The following SF3B1 variants were observed in gnomAD, a reference collection of about 807,000 sequenced individuals.
The protein encoded by SF3B1 is pre-mRNA processing 10.
In SF3B1, 12 loss-of-function variants were observed where a neutral mutation model predicts 153.8. The ratio of observed to expected loss-of-function variants is 0.08; its 90% CI spans 0.05 to 0.13. The LOEUF is 0.13. Among genes scored for constraint, SF3B1 ranks in the 10% least tolerant of loss-of-function variants. The pLI is 1.00. For synonymous variants in SF3B1, 498 were observed against 525.2 expected (o/e 0.95, Z 0.71); for missense variants, 513 against 1,606.1 (o/e 0.32, Z 11.63).
Position 197,403,635 on chromosome 2 carries a change from C to A in SF3B1, c.1669G>T (p.Asp557Tyr), listed in dbSNP as rs2105988740. ...QERHLLVKVI[D>Y]RILYKLDDLV... is the part of the protein sequence containing the mutation. ...TCATCAAGTTTGTACAGTATCCTAT[C>A]AATAACTTTCACAAGTAAATGACGC... Residue 557 changes from aspartate (D) to tyrosine (Y), a missense_variant, in exon 12 of 25, where the codon GAT becomes TAT. Physicochemically the swap from Asp to Tyr is radical, Grantham distance 160. Transcript: ENST00000335508. 1 of 1,594,734 alleles carries A rather than the reference C, an allele frequency of 6.3e-7. No individual in the cohort carries two copies. The highest frequency in any genetic ancestry group is 1.2e-5 in the South Asian group (1 of 86,942).
In SF3B1 at chr2:197,408,019, A is replaced by G. The variant is rs148651944; in HGVS notation, c.1218T>C (p.Ala406=). The G allele has an allele frequency of 2.2e-5, 36 of 1,613,146 alleles. No homozygotes were observed. In the African/African-American group the frequency reaches 4.3e-4, roughly 19 times the overall value. The part of the protein sequence containing the change: ...NRPLSDEELD[A]MFPEGYKVLP... ...CTACCTTATATCCTTCTGGGAACAT[A>G]GCATCTAATTCCTCATCAGAAAGTG... is the stretch of plus-strand genomic sequence containing the variant. Residue 406 remains alanine (A), a synonymous_variant, in exon 9 of 25, where the codon GCT becomes GCC. Coordinates refer to ENST00000335508, the MANE Select transcript of SF3B1 (RefSeq NM_012433.4).
At chr2:197,424,936 G>C (rs565254393) in intron 1 of SF3B1, among the ~76,000 whole-genome samples, 98 of 152,220 alleles carry the variant, frequency 6.4e-4, no homozygotes, top group African/African-American at 2.3e-3. Flanking sequence ...AAGGCGGGCG[G>C]ATCACCTGAA....
At chr2:197,405,810 C>T (rs2084984631) in intron 9 of SF3B1, among the ~76,000 whole-genome samples, 3 of 151,756 alleles carry the variant, frequency 2.0e-5, no homozygotes, top group South Asian at 2.1e-4. Context: ...ATGCTGTAGT[C>T]GAGCAAATAA....
chr2:197,430,348 A>T (rs968244231), intron 1 of SF3B1, among the ~76,000 whole-genome samples: 1 of 152,234 alleles, frequency 6.6e-6, no homozygotes, highest in Non-Finnish European at 1.5e-5. Flanking sequence ...TAATGGGAAG[A>T]GTAGAAGTGA....
rs181464121 is a variant in SF3B1 at position 197,390,338 on chromosome 2, T to A, written c.*1965A>T. On this transcript the variant is annotated 3_prime_UTR_variant, in exon 25 of 25. Transcript: ENST00000335508. ...GAAAATACAACTAAAATTTCCTGAG[T>A]CATTTAACATCAAATTTTGGCTTTG... 1 of 152,310 alleles carries A rather than the reference T, an allele frequency of 6.6e-6. No individual in the cohort carries two copies. Among genetic ancestry groups the A allele is most frequent in the East Asian group, 1.9e-4 (1 of 5,180 alleles). 9.4% of individuals were successfully genotyped at this position (152,310 alleles called of 1,614,324 possible).
At chr2:197,398,334 T>A in intron 21 of SF3B1, 127 bp downstream of exon 21, 1 of 1,084,164 alleles carries the variant, frequency 9.2e-7, no homozygotes, top group Non-Finnish European at 1.4e-6. Flanking sequence ...CTGAAAATAT[T>A]AATACTGGAT....
rs2105984786 is a variant in SF3B1, at chr2:197,401,920, G to C, written c.2224-32C>G. ...TTAAATAAAAAATATATGTACTTTA[G>C]TAATTTAGATTTATGTCGCCTTAAC... On this transcript the variant is annotated intron_variant, in intron 15 of 24. Coordinates refer to ENST00000335508, the MANE Select transcript of SF3B1 (RefSeq NM_012433.4). The surrounding 1 kb of genome is among the most constrained non-coding windows in gnomAD (Gnocchi z 4.2). 1.3e-6 allele frequency: 2 copies of C among 1,588,604 alleles called. No individual in the cohort carries two copies. Among genetic ancestry groups the C allele is most frequent in the Admixed American group, 3.8e-5 (2 of 52,746 alleles).
intron 1 of SF3B1, among the ~76,000 whole-genome samples, chr2:197,426,266 G>A (rs944042323): frequency 6.6e-6 from 1 of 151,008 alleles, no homozygotes. Flanking sequence ...ATCTACATTT[G>A]CCCCACTCCC....
rs1223689841 is a variant in SF3B1 at position 197,391,244 on chromosome 2, T to C, written c.*1059A>G. On this transcript the variant is annotated 3_prime_UTR_variant, in exon 25 of 25. Transcript: ENST00000335508. ...ATGCTGAACTCTTAGATCAACTTAT[T>C]ATTACTGAATACAAAGCTAAGCAAA... 6.6e-6 allele frequency: 1 copy of C among 152,224 alleles called. No individual in the cohort carries two copies. The highest frequency in any genetic ancestry group is 2.4e-5 in the African/African-American group (1 of 41,468). The allele number at this position is 152,224 out of a possible 1,614,324, so 9.4% of individuals were successfully genotyped here. A position where few individuals can be genotyped will look rare whatever the true frequency, so the allele number is the denominator to read the frequency against.
At chr2:197,408,208 T>C in intron 8 of SF3B1, 89 bp from the exon 9 acceptor site, 5 of 1,328,578 alleles carry the variant, frequency 3.8e-6, no homozygotes, top group Non-Finnish European at 5.2e-6. Context: ...AGATCAATCC[T>C]ATTATTTGCT....
intron 4 of SF3B1, chr2:197,419,237 ATTACT>A (rs148410565): frequency 1.2e-4 from 48 of 400,478 alleles, no homozygotes; most frequent in Non-Finnish European, 1.9e-4. Context: ...CTGGAAACAT[ATTACT>A]TTAAATATAT....
chr2:197,428,330 A>C (rs183513763), intron 1 of SF3B1, among the ~76,000 whole-genome samples: 61 of 152,170 alleles, frequency 4.0e-4, no homozygotes, highest in African/African-American at 1.4e-3. Flanking sequence ...CTAAATAAGT[A>C]AGTAAATAAA....
chr2:197,434,876 AC>A, intron 1 of SF3B1, 95 bp downstream of exon 1: 2 of 1,380,556 alleles, frequency 1.4e-6, no homozygotes, highest in Non-Finnish European at 2.0e-6. Flanking sequence ...CTCAGCTCCT[AC>A]GAAAGAAACC....
At chr2:197,392,537 A>G in intron 24 of SF3B1, 76 bp from the exon 25 acceptor site, 1 of 355,802 alleles carries the variant, frequency 2.8e-6, no homozygotes, top group Middle Eastern at 4.5e-4. Context: ...GAAAACATAA[A>G]GATATGATTC....
At chr2:197,430,523 C>G (rs767037331) in intron 1 of SF3B1, among the ~76,000 whole-genome samples, 11 of 152,184 alleles carry the variant, frequency 7.2e-5, no homozygotes, top group African/African-American at 2.7e-4. Flanking sequence ...GGCACGATCT[C>G]GGCTCACTGC....
At chr2:197,393,424 G>T in intron 23 of SF3B1, 2 of 512,792 alleles carry the variant, frequency 3.9e-6, no homozygotes, top group South Asian at 3.0e-5. Context: ...ATTCACTATG[G>T]CTCAACAATT....
chr2:197,420,845 T>A (rs1201473822), intron 3 of SF3B1, among the ~76,000 whole-genome samples, 184 bp downstream of exon 3: 1 of 152,024 alleles, frequency 6.6e-6, no homozygotes, highest in African/African-American at 2.4e-5. Flanking sequence ...AGCCCAGGAG[T>A]TTGGGATCAG....
At position 197,420,464 on chromosome 2, in the gene SF3B1, T is replaced by A. The variant is rs765373981; in HGVS notation, c.379A>T (p.Ile127Leu). The A allele has an allele frequency of 6.2e-7, 1 of 1,613,702 alleles. No homozygotes were observed. Among genetic ancestry groups the A allele is most frequent in the Non-Finnish European group, 8.5e-7 (1 of 1,179,656 alleles). ...GGATCAAGACGCTCTGGGGAAATTA[T>A]CATGGTCCGCCTATGCTTTTTGTAT... The part of the protein sequence containing the change: ...DEYKKHRRTM[I>L]ISPERLDPFA... The change falls in exon 4 of 25, where the codon ATA becomes TTA. Residue 127 changes from isoleucine to leucine, a missense_variant. Coordinates refer to ENST00000335508, the MANE Select transcript of SF3B1 (RefSeq NM_012433.4).
chr2:197,416,948 T>C (rs780126430), intron 5 of SF3B1, 37 bp from the exon 6 acceptor site: 1 of 1,581,678 alleles, frequency 6.3e-7, no homozygotes, highest in East Asian at 2.3e-5. Context: ...TTAAAATGCT[T>C]TCAATGTATT....
Sources: allele counts gnomAD v4.1 joint callset (sites outside exome capture counted in the v4.1 genomes callset), GRCh38; gene constraint gnomAD v4.1.1; non-coding constraint Gnocchi (gnomAD v3.1); transcripts MANE v1.5; gene names NCBI Gene and HGNC (gene_info 2026-07-23, HGNC 2026-07-21).